NCF2: variants seen among roughly 807,000 people sequenced by gnomAD.
NCF2 encodes the protein neutrophil cytosolic factor 2.
NCF2 carries 45 observed loss-of-function variants against 70.9 expected under a neutral mutation model. The ratio of observed to expected loss-of-function variants is 0.63; its 90% CI spans 0.50 to 0.81. NCF2 has a LOEUF of 0.81. Among genes scored for constraint, NCF2 ranks in the 40% least tolerant of loss-of-function variants. The pLI is 0.00. For synonymous variants in NCF2, 203 were observed against 233.6 expected, an observed-to-expected ratio of 0.87 and a Z score of 1.19; for missense variants, 522 against 631.6, an observed-to-expected ratio of 0.83 and a Z score of 1.86.
chr1:183,599,437 T>TCTTTCTTTCTTTC, the NCF2 span, among the ~76,000 whole-genome samples: 36 of 96,786 alleles, frequency 3.7e-4, no homozygotes, highest in African/African-American at 1.1e-3. Context: ...TTTCTTTCTT[T>TCTTTCTTTCTTTC]CTTTCTTTCT....
chr1:183,563,313 G>A lies in NCF2; in HGVS notation c.1179-7C>T, dbSNP rs568883428. The A allele has an allele frequency of 5.6e-6, 9 of 1,613,912 alleles. No individual in the cohort carries two copies. In the East Asian group the frequency reaches 2.0e-4, roughly 36 times the overall value. The stretch of plus-strand genomic sequence containing the variant: ...GCTGTCCCGAGGCCGATAGCTGGGT[G>A]GGGATAATGAGTAAGAATCCAGTCA... On this transcript the variant is annotated splice_region_variant and splice_polypyrimidine_tract_variant and intron_variant, in intron 12 of 14. Transcript: ENST00000367535.
intron 2 of NCF2, among the ~76,000 whole-genome samples, chr1:183,582,662 GT>G (rs1359480118): frequency 6.6e-6 from 1 of 152,206 alleles, no homozygotes; most frequent in Non-Finnish European, 1.5e-5. Flanking sequence ...TGTGACAGAG[GT>G]TTGGGCCCAC....
chr1:183,568,163 T>C (rs953166082), intron 7 of NCF2, among the ~76,000 whole-genome samples: 2 of 151,878 alleles, frequency 1.3e-5, no homozygotes, highest in African/African-American at 2.4e-5. Flanking sequence ...TTGGTACTTT[T>C]GTCACTTTTT....
chr1:183,596,843 G>A, the NCF2 span, among the ~76,000 whole-genome samples: 1 of 151,976 alleles, frequency 6.6e-6, no homozygotes, highest in Admixed American at 6.6e-5. Flanking sequence ...CCTACGTAAA[G>A]TCTTCCCTGA....
chr1:183,574,657 C>G (rs375701671), intron 3 of NCF2, 36 bp from the exon 4 acceptor site: 37 of 1,613,124 alleles, frequency 2.3e-5, no homozygotes, highest in Non-Finnish European at 3.1e-5. Context: ...AAACTTGAGA[C>G]TACTCCAAAT....
At chr1:183,600,592 T>C in the NCF2 span, among the ~76,000 whole-genome samples, 1 of 152,194 alleles carries the variant, frequency 6.6e-6, no homozygotes, top group African/African-American at 2.4e-5. Context: ...AGACATTGTC[T>C]AGAAAGTCTT....
intron 5 of NCF2, among the ~76,000 whole-genome samples, chr1:183,571,538 A>G (rs1307054791): frequency 6.6e-6 from 1 of 152,204 alleles, no homozygotes; most frequent in African/African-American, 2.4e-5. Flanking sequence ...TGCTGTACCC[A>G]TTAAGCAGTG....
chr1:183,560,042 C>T (rs2102875413), intron 14 of NCF2, 54 bp downstream of exon 14: 4 of 1,567,328 alleles, frequency 2.6e-6, no homozygotes, highest in East Asian at 2.2e-5. Context: ...CTGCCCTTGA[C>T]CTTGTTTCTG....
intron 14 of NCF2, among the ~76,000 whole-genome samples, chr1:183,559,000 T>C (rs1671917844): frequency 6.6e-6 from 1 of 152,232 alleles, no homozygotes; most frequent in South Asian, 2.1e-4. Context: ...ATGGGACTTT[T>C]TTGTGTCGAG....
chr1:183,565,623 G>A lies in NCF2; in HGVS notation c.1000+81C>T, dbSNP rs1672265915. ...GGAGAAGAAGAAACCAGAATTTCCT[G>A]GAAGGCAGGGAGAGGAACTCAGGAA... On this transcript the variant is annotated intron_variant, in intron 10 of 14. Transcript: ENST00000367535. 2.9e-6 allele frequency: 4 copies of A among 1,395,226 alleles called. No individual in the cohort carries two copies. In the East Asian group the frequency reaches 9.1e-5, roughly 32 times the overall value. The allele number at this position is 1,395,226 out of a possible 1,614,324, so 86.4% of individuals were successfully genotyped here. A position where few individuals can be genotyped will look rare whatever the true frequency, so the allele number is the denominator to read the frequency against.
chr1:183,580,374 G>C (rs938284733), intron 2 of NCF2, among the ~76,000 whole-genome samples: 5 of 152,188 alleles, frequency 3.3e-5, no homozygotes, highest in Non-Finnish European at 5.9e-5. Flanking sequence ...CGCTTTCTAA[G>C]CCAGAAGGTG....
intron 2 of NCF2, among the ~76,000 whole-genome samples, chr1:183,586,569 G>T (rs550009636): frequency 1.3e-5 from 2 of 152,258 alleles, no homozygotes; most frequent in African/African-American, 4.8e-5. Context: ...TGACAGCTCA[G>T]TACCTCATAG....
intron 2 of NCF2, among the ~76,000 whole-genome samples, chr1:183,578,585 C>A (rs1474614516): frequency 6.6e-6 from 1 of 152,202 alleles, no homozygotes; most frequent in Non-Finnish European, 1.5e-5. Context: ...AGGCTGGTCT[C>A]AAACTCCTGA....
chr1:183,565,624 G>A, intron 10 of NCF2, 80 bp downstream of exon 10: 4 of 1,401,902 alleles, frequency 2.9e-6, no homozygotes, highest in South Asian at 1.2e-5. Context: ...GAATTTCCTG[G>A]AAGGCAGGGA....
upstream of NCF2, chr1:183,590,630 G>A (rs1291932269): frequency 6.8e-6 from 3 of 438,490 alleles, no homozygotes; most frequent in East Asian, 1.5e-4. Flanking sequence ...TACATCAGCT[G>A]CTGCCTGAAG....
chr1:183,573,130 C>T lies in NCF2; in HGVS notation c.609+55G>A, dbSNP rs1399107147. The T allele has an allele frequency of 3.9e-6, 6 of 1,529,712 alleles. No individual in the cohort carries two copies. The Admixed American group carries it at 5.0e-5, about 13-fold the overall frequency. The allele number at this position is 1,529,712 out of a possible 1,614,324, so 94.8% of individuals were successfully genotyped here. A position where few individuals can be genotyped will look rare whatever the true frequency, so the allele number is the denominator to read the frequency against. On this transcript the variant is annotated intron_variant, in intron 5 of 14. Transcript: ENST00000367535. ...CTTCTCAAGAGTCCCTCCCACCTTG[C>T]TCCACATGGCCCGGGCCACAGGAGA... is the stretch of plus-strand genomic sequence containing the variant.
chr1:183,601,748 C>CT, the NCF2 span, among the ~76,000 whole-genome samples: 3 of 151,902 alleles, frequency 2.0e-5, no homozygotes, highest in Non-Finnish European at 4.4e-5. Flanking sequence ...GTCTCACCTA[C>CT]TCTGGAGGCT....
chr1:183,572,277 C>T (rs1045152155), intron 5 of NCF2, among the ~76,000 whole-genome samples: 2 of 152,194 alleles, frequency 1.3e-5, no homozygotes, highest in Non-Finnish European at 2.9e-5. Flanking sequence ...CTCCACCACC[C>T]GGATTCAAGC....
chr1:183,568,370 T>C (rs1470598315), intron 7 of NCF2, among the ~76,000 whole-genome samples: 2 of 151,976 alleles, frequency 1.3e-5, no homozygotes, highest in South Asian at 4.2e-4. Context: ...TTTTGCCACG[T>C]TGGCCCGGCT....
Sources: gnomAD v4.1 joint callset for allele counts (sites outside exome capture counted in the v4.1 genomes callset) on GRCh38, gnomAD v4.1.1 for gene constraint, MANE v1.5 for transcripts, NCBI Gene and HGNC (gene_info 2026-07-23, HGNC 2026-07-21) for gene names.